Variants in FBXO3 observed in about 807,000 individuals in gnomAD.
The protein encoded by FBXO3 is F-box protein 3.
Under a neutral mutation model 64.8 loss-of-function variants are expected in FBXO3, and 17 were observed. That is an observed-to-expected ratio of 0.26 (90% CI 0.18 to 0.39). The LOEUF is 0.39. FBXO3 is among the 10% of genes least tolerant of loss of function. The probability of loss-of-function intolerance (pLI) is 1.00; values close to 1 mark genes in which losing one functional copy is unlikely to be tolerated. For missense variants in FBXO3, 420 were observed against 589.9 expected (o/e 0.71, Z 2.98); for synonymous variants, 182 against 201.6 (o/e 0.90, Z 0.82).
At chr11:33,762,118 A>G (rs1855257632) in intron 3 of FBXO3, among the ~76,000 whole-genome samples, 1 of 152,212 alleles carries the variant, frequency 6.6e-6, no homozygotes, top group African/African-American at 2.4e-5. Flanking sequence ...CCTACACTCA[A>G]GGAGAGATCA....
chr11:33,754,928 C>T (rs929886117), intron 5 of FBXO3, among the ~76,000 whole-genome samples: 9 of 149,274 alleles, frequency 6.0e-5, no homozygotes, highest in Admixed American at 2.7e-4. Flanking sequence ...TGCAGTGGCT[C>T]GATCTCAGCT....
chr11:33,747,077 G>A, intron 10 of FBXO3, 53 bp downstream of exon 10: 1 of 1,600,822 alleles, frequency 6.2e-7, no homozygotes, highest in Non-Finnish European at 8.5e-7. Flanking sequence ...CTTATCTGCA[G>A]TGTTAACCCT....
intron 4 of FBXO3, among the ~76,000 whole-genome samples, chr11:33,757,515 TAAAA>T (rs35494216): frequency 7.2e-5 from 7 of 97,378 alleles, no homozygotes; most frequent in Non-Finnish European, 1.6e-4. Flanking sequence ...AAACAAATCT[TAAAA>T]AAAAAAAAAA....
At chr11:33,756,752 T>C (rs1176231486) in intron 4 of FBXO3, among the ~76,000 whole-genome samples, 4 of 151,964 alleles carry the variant, frequency 2.6e-5, no homozygotes, top group Non-Finnish European at 2.9e-5. Context: ...ATTTCTTTCT[T>C]TTTTTTTGAG....
chr11:33,746,673 A>C, intron 10 of FBXO3: 9 of 1,208,022 alleles, frequency 7.5e-6, no homozygotes, highest in Non-Finnish European at 1.1e-5. Flanking sequence ...CGAGATTTTA[A>C]AAAATATACC....
chr11:33,770,526 A>G (rs1041049567), intron 2 of FBXO3, among the ~76,000 whole-genome samples: 1 of 152,250 alleles, frequency 6.6e-6, no homozygotes, highest in Non-Finnish European at 1.5e-5. Context: ...TAGTCACTAT[A>G]AACGGCAACA....
Position 33,755,905 on chromosome 11 carries a change from C to T in FBXO3, c.544G>A (p.Gly182Arg), listed in dbSNP as rs1040759075. The change falls in exon 5 of 11, where the codon GGA becomes AGA. Residue 182 changes from glycine (G) to arginine (R), a missense_variant. Around this residue, in one of 3 missense-constraint regions of FBXO3, gnomAD observed 337 missense variants for 518.4 expected, o/e 0.65. Transcript: ENST00000265651. ...EDLLDVDTAA[G>R]GFQQRQGLKY... ...AGTCCCTGTCTCTGCTGGAATCCTC[C>T]GGCAGCTGTATCGACGTCTAACAAA... The T allele has an allele frequency of 2.5e-6, 4 of 1,614,128 alleles. No individual in the cohort carries two copies. Among genetic ancestry groups the T allele is most frequent in the East Asian group, 2.2e-5 (1 of 44,884 alleles).
chr11:33,759,752 A>G (rs975963925), intron 3 of FBXO3, among the ~76,000 whole-genome samples: 4 of 138,214 alleles, frequency 2.9e-5, no homozygotes, highest in African/African-American at 1.0e-4. Flanking sequence ...TCCATAATAC[A>G]TCGTTATTGG....
chr11:33,751,782 C>T (rs1854966358), intron 6 of FBXO3, among the ~76,000 whole-genome samples, 175 bp from the exon 7 acceptor site: 2 of 152,194 alleles, frequency 1.3e-5, no homozygotes, highest in South Asian at 4.1e-4. Flanking sequence ...ATTCTATCCA[C>T]CTTATTTCCT....
chr11:33,763,614 AAAGAAT>A (rs897623133), intron 3 of FBXO3, among the ~76,000 whole-genome samples: 5 of 137,850 alleles, frequency 3.6e-5, no homozygotes, highest in African/African-American at 1.1e-4. Context: ...TCAATCTGAT[AAAGAAT>A]ATCTACAAAA....
intron 10 of FBXO3, chr11:33,746,037 T>C (rs928790728): frequency 2.0e-5 from 3 of 152,156 alleles, no homozygotes; most frequent in African/African-American, 7.2e-5. Context: ...GACAAATTCC[T>C]TGAAAGGCAC....
intron 2 of FBXO3, 83 bp downstream of exon 2, chr11:33,770,658 T>C: frequency 1.0e-6 from 1 of 1,000,298 alleles, no homozygotes; most frequent in Non-Finnish European, 1.6e-6. Context: ...AGACAAGGGT[T>C]AGAGAGGAGA....
rs1855071843 is a variant in FBXO3 at position 33,755,428 on chromosome 11, C to T, written c.678+343G>A. Among the ~76,000 whole-genome samples the T allele has an allele frequency of 2.6e-5, 4 of 152,176 alleles. No homozygotes were observed. In the South Asian group the frequency reaches 8.3e-4, roughly 32 times the overall value. ...TTAAAAGTTTCTATTGCACTCAAAG[C>T]ATGAATCAAAGGATGTTCAAAGGCT... On this transcript the variant is annotated intron_variant, in intron 5 of 10. Transcript: ENST00000265651.
chr11:33,766,953 G>T lies in FBXO3; in HGVS notation c.358+1898C>A, dbSNP rs7115485. On this transcript the variant is annotated intron_variant, in intron 3 of 10. Coordinates refer to ENST00000265651, the MANE Select transcript of FBXO3 (RefSeq NM_012175.4). ...CAACCTCACTTCCAACTGCTAGGTAGTACAGGGAGCCTGGAACTACCAAAA... is the reference window on the plus strand; with the variant it reads ...CAACCTCACTTCCAACTGCTAGGTATTACAGGGAGCCTGGAACTACCAAAA... 1.4e-3 allele frequency among the ~76,000 whole-genome samples: 205 copies of T among 145,748 alleles called. 1 individual carries two copies. Among genetic ancestry groups the T allele is most frequent in the African/African-American group, 4.8e-3 (189 of 39,388 alleles).
In FBXO3 at chr11:33,756,939, C is replaced by T. The variant is rs745872150; in HGVS notation, c.474-964G>A. The stretch of plus-strand genomic sequence containing the variant: ...AGACAGGCAGGATCTTGCTATGCTA[C>T]CCAGGTTGGTCTTGAACTCCTGACT... On this transcript the variant is annotated intron_variant, in intron 4 of 10. Transcript: ENST00000265651. The T allele has an allele frequency of 2.9e-5, 15 of 508,674 alleles. 1 individual carries two copies. The East Asian group carries it at 7.7e-4, about 26-fold the overall frequency. The allele number at this position is 508,674 out of a possible 1,614,324, so 31.5% of individuals were successfully genotyped here.
intron 3 of FBXO3, among the ~76,000 whole-genome samples, chr11:33,759,918 A>G (rs2133611194): frequency 6.6e-6 from 1 of 152,352 alleles, no homozygotes; most frequent in African/African-American, 2.4e-5. Flanking sequence ...GAATACACTG[A>G]AAGGGTTTAA....
At chr11:33,756,262 A>G (rs988508818) in intron 4 of FBXO3, among the ~76,000 whole-genome samples, 8 of 152,224 alleles carry the variant, frequency 5.3e-5, no homozygotes, top group African/African-American at 1.9e-4. Flanking sequence ...TCCTGCCATG[A>G]TATATTGATT....
At chr11:33,746,756 G>A in intron 10 of FBXO3, 1 of 1,417,906 alleles carries the variant, frequency 7.1e-7, no homozygotes, top group South Asian at 1.6e-5. Flanking sequence ...TCTTTATAAT[G>A]ATCTTTATGG....
At chr11:33,769,525 T>TA (rs372632639) in intron 2 of FBXO3, among the ~76,000 whole-genome samples, 5 of 152,082 alleles carry the variant, frequency 3.3e-5, no homozygotes, top group Non-Finnish European at 7.4e-5. Flanking sequence ...ACTGAGGATA[T>TA]AAAAAAATAA....
Sources: gnomAD v4.1 joint callset for allele counts (sites outside exome capture counted in the v4.1 genomes callset) on GRCh38, gnomAD v4.1.1 for gene constraint, gnomAD v4.1.1 regional missense constraint, MANE v1.5 for transcripts, NCBI Gene and HGNC (gene_info 2026-07-23, HGNC 2026-07-21) for gene names.